The following FUT8 variants were observed in gnomAD, a reference collection of about 807,000 sequenced individuals.
The protein encoded by FUT8 is alpha-(1,6)-fucosyltransferase.
In FUT8, 29 loss-of-function variants were observed where a neutral mutation model predicts 71.3. The observed-to-expected ratio is 0.41, with a 90% CI of 0.30 to 0.55. The LOEUF is 0.55. FUT8 is among the 20% of genes least tolerant of loss of function. FUT8 has a pLI of 0.34. For synonymous variants in FUT8, 254 were observed against 239.3 expected, an observed-to-expected ratio of 1.06 and a Z score of -0.57; for missense variants, 544 against 702.1, an observed-to-expected ratio of 0.77 and a Z score of 2.55.
chr14:65,611,252 CA>C (rs1888943335), intron 3 of FUT8, among the ~76,000 whole-genome samples: 2 of 63,386 alleles, frequency 3.2e-5, no homozygotes, highest in African/African-American at 1.9e-4. Context: ...CACACACACA[CA>C]CACACACACA....
chr14:65,611,771 C>T (rs1889013139), intron 3 of FUT8, among the ~76,000 whole-genome samples: 1 of 152,132 alleles, frequency 6.6e-6, no homozygotes, highest in Admixed American at 6.6e-5. Context: ...AGCAGTTCTC[C>T]TGCCTCAGCC....
chr14:65,614,778 C>T (rs569293871), intron 3 of FUT8, among the ~76,000 whole-genome samples: 23 of 152,160 alleles, frequency 1.5e-4, no homozygotes, highest in Admixed American at 3.3e-4. Flanking sequence ...ATCTCAAAAT[C>T]CTTAATTATA....
At chr14:65,366,316 A>G in the FUT8 span, among the ~76,000 whole-genome samples, 1 of 152,212 alleles carries the variant, frequency 6.6e-6, no homozygotes, top group African/African-American at 2.4e-5. Flanking sequence ...CTATAGACTG[A>G]GTAGTCAGGG....
intron 7 of FUT8, among the ~76,000 whole-genome samples, chr14:65,711,037 G>A (rs2139313144): frequency 6.6e-6 from 1 of 152,278 alleles, no homozygotes; most frequent in Admixed American, 6.5e-5. Context: ...AGTCTTTCAT[G>A]AGGGATCTGC....
rs1328359577 is a variant in FUT8 at position 65,550,444 on chromosome 14, G to A, written c.-227-10893G>A. ...CAAAACTATTTTGTAATGAAGTGTT[G>A]AATATTTTGTAATTTATTGAATACT... On this transcript the variant is annotated intron_variant, in intron 2 of 10. Transcript: ENST00000673929. This position sits in a 1 kb window ranked among gnomAD's most constrained non-coding sequence, Gnocchi z 4.5. Among the ~76,000 whole-genome samples the A allele has an allele frequency of 6.6e-6, 1 of 152,174 alleles. No individual in the cohort carries two copies. Among genetic ancestry groups the A allele is most frequent in the African/African-American group, 2.4e-5 (1 of 41,440 alleles).
chr14:65,612,876 CTT>C (rs1193935341), intron 3 of FUT8, among the ~76,000 whole-genome samples: 2 of 152,106 alleles, frequency 1.3e-5, no homozygotes, highest in Non-Finnish European at 2.9e-5. Flanking sequence ...AAGTGGAAGT[CTT>C]ATATATCTGT....
chr14:65,656,794 G>A (rs1426046186), intron 6 of FUT8, among the ~76,000 whole-genome samples: 1 of 152,100 alleles, frequency 6.6e-6, no homozygotes, highest in Non-Finnish European at 1.5e-5. Flanking sequence ...AAACAGCATG[G>A]TACCGGCATA....
intron 7 of FUT8, among the ~76,000 whole-genome samples, chr14:65,676,374 A>C (rs1453339042): frequency 6.6e-6 from 1 of 152,148 alleles, no homozygotes; most frequent in Non-Finnish European, 1.5e-5. Flanking sequence ...GGTGTTCTTA[A>C]TTTCCTGTGG....
At chr14:65,546,729 GA>G (rs1342162316) in intron 2 of FUT8, among the ~76,000 whole-genome samples, 1 of 151,768 alleles carries the variant, frequency 6.6e-6, no homozygotes, top group African/African-American at 2.4e-5. Context: ...ATATTTGCAA[GA>G]AATTGACAAG....
intron 3 of FUT8, among the ~76,000 whole-genome samples, chr14:65,613,046 G>GTT (rs140875409): frequency 4.7e-5 from 7 of 147,772 alleles, no homozygotes; most frequent in East Asian, 3.9e-4. Context: ...TTCTTTTCCA[G>GTT]TTTTTTTTTT....
chr14:65,592,563 C>G lies in FUT8; in HGVS notation c.204-23415C>G, dbSNP rs534825665. ...CTCTACCAGAGGACCTGATACTAAGCTTACATTTAAGGGATTTTATTCTTT... is the reference window on the plus strand; with the variant it reads ...CTCTACCAGAGGACCTGATACTAAGGTTACATTTAAGGGATTTTATTCTTT... On this transcript the variant is annotated intron_variant, in intron 3 of 10. Transcript: ENST00000673929. Among the ~76,000 whole-genome samples the G allele has an allele frequency of 3.7e-4, 56 of 152,236 alleles. 2 individuals carry two copies. In the South Asian group the frequency reaches 5.2e-3, roughly 14 times the overall value.
At chr14:65,522,941 A>C (rs1395329197) in intron 2 of FUT8, among the ~76,000 whole-genome samples, 3 of 152,178 alleles carry the variant, frequency 2.0e-5, no homozygotes, top group Admixed American at 2.0e-4. Flanking sequence ...CATGGTGTAT[A>C]TGTGCCACAT....
At chr14:65,558,617 C>T (rs575799462) in intron 2 of FUT8, among the ~76,000 whole-genome samples, 2 of 152,126 alleles carry the variant, frequency 1.3e-5, no homozygotes, top group East Asian at 1.9e-4. Context: ...AAAATTATGG[C>T]GTTTGTATTT....
rs118098277 is a variant in FUT8 at position 65,546,627 on chromosome 14, A to G, written c.-227-14710A>G. Among the ~76,000 whole-genome samples the G allele has an allele frequency of 6.3e-3, 961 of 151,984 alleles. 11 individuals carry two copies. The highest frequency in any genetic ancestry group is 0.038 in the East Asian group (197 of 5,194). On this transcript the variant is annotated intron_variant, in intron 2 of 10. Coordinates refer to ENST00000673929, the MANE Select transcript of FUT8 (RefSeq NM_001371533.1). ...GCTGTTGTAAATAAATAAAGTTACT[A>G]TGAATACTCATGTACTAGTCTTTGT...
intron 7 of FUT8, among the ~76,000 whole-genome samples, chr14:65,702,802 C>T (rs190693019): frequency 6.6e-6 from 1 of 151,710 alleles, no homozygotes; most frequent in Admixed American, 6.6e-5. Flanking sequence ...GCAGTGGCAC[C>T]ATCTCGGCTC....
intron 6 of FUT8, among the ~76,000 whole-genome samples, chr14:65,668,037 TGGACCCCTTCCTTTCACTATA>T (rs1892301511): frequency 6.6e-6 from 1 of 152,178 alleles, no homozygotes; most frequent in Non-Finnish European, 1.5e-5. Flanking sequence ...AGATTGAAAC[TGGACCCCTTCCTTTCACTATA>T]TACAAAAATT....
chr14:65,489,098 A>G lies in FUT8; in HGVS notation c.-228+33380A>G, dbSNP rs558928586. ...TGTAGTATTAAGTATTTTTCCATCA[A>G]TGATTAGAAAGTTATGATTTTTTGT... is the stretch of plus-strand genomic sequence containing the variant. On this transcript the variant is annotated intron_variant, in intron 2 of 10. Coordinates refer to ENST00000673929, the MANE Select transcript of FUT8 (RefSeq NM_001371533.1). This position sits in a 1 kb window ranked among gnomAD's most constrained non-coding sequence, Gnocchi z 4.0. Among the ~76,000 whole-genome samples the G allele has an allele frequency of 2.0e-5, 3 of 152,214 alleles. No homozygotes were observed. Among genetic ancestry groups the G allele is most frequent in the Admixed American group, 6.5e-5 (1 of 15,272 alleles).
At chr14:65,518,044 C>G (rs978861205) in intron 2 of FUT8, among the ~76,000 whole-genome samples, 2 of 152,130 alleles carry the variant, frequency 1.3e-5, no homozygotes, top group Non-Finnish European at 2.9e-5. Flanking sequence ...TTTCAGAGTA[C>G]TTTTCCTGGA....
At chr14:65,416,260 A>G (rs1014092307) in intron 1 of FUT8, among the ~76,000 whole-genome samples, 2 of 152,306 alleles carry the variant, frequency 1.3e-5, no homozygotes, top group Admixed American at 1.3e-4. Flanking sequence ...TTTACTAAAC[A>G]TAAAATTAAG....
Sources: allele counts gnomAD v4.1 joint callset (sites outside exome capture counted in the v4.1 genomes callset), GRCh38; gene constraint gnomAD v4.1.1; non-coding constraint Gnocchi (gnomAD v3.1); transcripts MANE v1.5; gene names NCBI Gene and HGNC (gene_info 2026-07-23, HGNC 2026-07-21).